The following ATP5F1D variants were observed in gnomAD, a reference collection of about 807,000 sequenced individuals.
The protein encoded by ATP5F1D is ATP synthase F(1) complex subunit delta, mitochondrial.
Under a neutral mutation model 13.0 loss-of-function variants are expected in ATP5F1D, and 16 were observed. The observed-to-expected ratio is 1.23, with a 90% confidence interval of 0.83 to 1.87. The LOEUF (loss-of-function observed/expected upper bound fraction) is 1.87. Among genes scored for constraint, ATP5F1D ranks in the 40% most tolerant of loss-of-function variants. The pLI is 0.00. For synonymous variants in ATP5F1D, 129 were observed against 116.2 expected, an observed-to-expected ratio of 1.11 and a Z score of -0.71; for missense variants, 294 against 246.2, an observed-to-expected ratio of 1.19 and a Z score of -1.30.
chr19:1,242,706 T>C, intron 2 of ATP5F1D, 97 bp downstream of exon 2: 1 of 1,359,772 alleles, frequency 7.4e-7, no homozygotes, highest in Non-Finnish European at 9.6e-7. Context: ...AAAATAGTTT[T>C]AGGCCGGGCA....
At position 1,244,488 on chromosome 19, in the gene ATP5F1D, C is replaced by G; in HGVS notation, c.*51C>G. On this transcript the variant is annotated 3_prime_UTR_variant, in exon 4 of 4. Transcript: ENST00000215375. ...CCCGGCCAGGGGCTGGGCAGGGATG[C>G]CAGGTGGGCCCAGCCAGCTCCTGGG... The G allele has an allele frequency of 6.5e-7, 1 of 1,527,774 alleles. No individual in the cohort carries two copies. The highest frequency in any genetic ancestry group is 8.8e-7 in the Non-Finnish European group (1 of 1,133,302). The allele number at this position is 1,527,774 out of a possible 1,614,324, so 94.6% of individuals were successfully genotyped here.
chr19:1,241,988 G>A lies in ATP5F1D; in HGVS notation c.138G>A (p.Thr46=). The change falls in exon 1 of 4, where the codon ACG becomes ACA. Residue 46 remains threonine (T), a synonymous_variant. Coordinates refer to ENST00000215375, the MANE Select transcript of ATP5F1D (RefSeq NM_001687.5). ...TGTCCTTCACCTTCGCCTCTCCCAC[G>A]CAGGTTCGGGCGCTGCGGGTCGGGA... ...NQMSFTFASP[T]QVFFNGANVR... is the part of the protein sequence containing the mutation. The A allele has an allele frequency of 2.1e-6, 3 of 1,446,726 alleles. No homozygotes were observed. Among genetic ancestry groups the A allele is most frequent in the South Asian group, 2.8e-5 (2 of 71,056 alleles). The allele number at this position is 1,446,726 out of a possible 1,614,324, so 89.6% of individuals were successfully genotyped here.
intron 1 of ATP5F1D, 162 bp from the exon 2 acceptor site, chr19:1,242,294 G>A: frequency 1.1e-6 from 1 of 926,656 alleles, no homozygotes; most frequent in East Asian, 3.3e-5. Context: ...CGCAACTGTT[G>A]AGGACCAAAG....
intron 2 of ATP5F1D, chr19:1,243,490 TC>T (rs2081047635): frequency 6.6e-6 from 1 of 152,514 alleles, no homozygotes; most frequent in Non-Finnish European, 1.5e-5. Flanking sequence ...CATAGTGAAA[TC>T]CCATACTACA....
chr19:1,242,566 G>A lies in ATP5F1D; in HGVS notation c.252G>A (p.Leu84=), dbSNP rs2145471967. 1.3e-6 allele frequency: 2 copies of A among 1,544,926 alleles called. No homozygotes were observed. Among genetic ancestry groups the A allele is most frequent in the East Asian group, 2.5e-5 (1 of 40,554 alleles). ...CGCTGCAGGTCCTGCGGCCGGGGCT[G>A]GTCGTGGTGCATGCAGAGGACGGCA... is the stretch of plus-strand genomic sequence containing the variant. ...VPTLQVLRPG[L]VVVHAEDGTT... The change falls in exon 2 of 4, where the codon CTG becomes CTA. Residue 84 remains leucine (L), a synonymous_variant. Coordinates refer to ENST00000215375, the MANE Select transcript of ATP5F1D (RefSeq NM_001687.5).
rs748638393 is a variant in ATP5F1D at position 1,242,007 on chromosome 19, G to A, written c.141+16G>A. The A allele has an allele frequency of 4.3e-6, 6 of 1,402,320 alleles. No individual in the cohort carries two copies. The highest frequency in any genetic ancestry group is 2.0e-4 in the Middle Eastern group (1 of 5,014). 86.9% of individuals were successfully genotyped at this position (1,402,320 alleles called of 1,614,324 possible). ...TCCCACGCAGGTTCGGGCGCTGCGG[G>A]TCGGGACCCTCCGTGGCCGCCGCCC... is the stretch of plus-strand genomic sequence containing the variant. On this transcript the variant is annotated intron_variant, in intron 1 of 3. Coordinates refer to ENST00000215375, the MANE Select transcript of ATP5F1D (RefSeq NM_001687.5).
Position 1,244,404 on chromosome 19 carries a change from G to C in ATP5F1D, c.474G>C (p.Glu158Asp), listed in dbSNP as rs372935723. Reference protein sequence around the residue: ...ATRAEIQIRIEANEALVKALE With the variant: ...ATRAEIQIRIDANEALVKALE ...GGGCAGAGATCCAGATCCGAATCGA[G>C]GCCAACGAGGCCCTGGTGAAGGCCC... Residue 158 changes from glutamate (E) to aspartate (D), a missense_variant, in exon 4 of 4, where the codon GAG becomes GAC. Coordinates refer to ENST00000215375, the MANE Select transcript of ATP5F1D (RefSeq NM_001687.5). 1.3e-6 allele frequency: 2 copies of C among 1,564,204 alleles called. No homozygotes were observed. Among genetic ancestry groups the C allele is most frequent in the African/African-American group, 2.7e-5 (2 of 73,970 alleles).
chr19:1,243,669 CA>C (rs1221636223), intron 2 of ATP5F1D, among the ~76,000 whole-genome samples: 1 of 152,180 alleles, frequency 6.6e-6, no homozygotes, highest in Non-Finnish European at 1.5e-5. Context: ...AAAAACCCCT[CA>C]AAAAACCATG....
chr19:1,243,500 C>CA (rs2081047684), intron 2 of ATP5F1D: 3 of 152,572 alleles, frequency 2.0e-5, no homozygotes, highest in South Asian at 4.0e-4. Context: ...TCCCATACTA[C>CA]AAAAAATTAG....
rs735524 is a variant in ATP5F1D, at chr19:1,244,519, G to C, written c.*82G>C. 0.032 allele frequency: 48,406 copies of C among 1,497,908 alleles called. 1,615 individuals are homozygous for C. Among genetic ancestry groups the C allele is most frequent in the East Asian group, 0.16 (6,365 of 40,310 alleles). The allele number at this position is 1,497,908 out of a possible 1,614,324, so 92.8% of individuals were successfully genotyped here. ...GGGCCCAGCCAGCTCCTGGGGTCCCGGCCACCTGGGGAAGCCGCGCCTGCC... is the reference window on the plus strand; with the variant it reads ...GGGCCCAGCCAGCTCCTGGGGTCCCCGCCACCTGGGGAAGCCGCGCCTGCC... On this transcript the variant is annotated 3_prime_UTR_variant, in exon 4 of 4. Transcript: ENST00000215375.
At chr19:1,243,737 T>C (rs2081048800) in intron 2 of ATP5F1D, among the ~76,000 whole-genome samples, 1 of 152,208 alleles carries the variant, frequency 6.6e-6, no homozygotes, top group Non-Finnish European at 1.5e-5. Context: ...AAAAAAGCAG[T>C]TCTAAGCCTC....
intron 1 of ATP5F1D, chr19:1,242,200 T>C: frequency 1.3e-6 from 1 of 793,508 alleles, no homozygotes; most frequent in Non-Finnish European, 1.7e-6. Context: ...AAGCGTCTCC[T>C]GGGTGCCCTC....
intron 2 of ATP5F1D, 108 bp from the exon 3 acceptor site, chr19:1,243,989 G>A: frequency 8.7e-7 from 1 of 1,147,012 alleles, no homozygotes; most frequent in Non-Finnish European, 1.3e-6. Flanking sequence ...AGACTTGGAT[G>A]TTTGTGGAGC....
chr19:1,244,260 C>G, intron 3 of ATP5F1D, 55 bp from the exon 4 acceptor site: 1 of 1,580,044 alleles, frequency 6.3e-7, no homozygotes, highest in East Asian at 2.3e-5. Flanking sequence ...GCTGGGGGAC[C>G]AGGAGCCGGG....
chr19:1,244,676 CT>C lies in ATP5F1D; in HGVS notation c.*241del. ...TGTGGCTGCCACCCATGGGGCTCTC[CT>C]TCCGCCTCTCAAGATCCCCCCAGCC... On this transcript the variant is annotated 3_prime_UTR_variant, in exon 4 of 4. Transcript: ENST00000215375. 1.7e-6 allele frequency: 1 copy of C among 587,344 alleles called. No individual in the cohort carries two copies. The highest frequency in any genetic ancestry group is 2.9e-6 in the Non-Finnish European group (1 of 347,476). 36.4% of individuals were successfully genotyped at this position (587,344 alleles called of 1,614,324 possible). A position where few individuals can be genotyped will look rare whatever the true frequency, so the allele number is the denominator to read the frequency against.
Sources: allele counts gnomAD v4.1 joint callset (sites outside exome capture counted in the v4.1 genomes callset), GRCh38; gene constraint gnomAD v4.1.1; transcripts MANE v1.5; gene names NCBI Gene and HGNC (gene_info 2026-07-23, HGNC 2026-07-21).